Variants in BLZF1 observed in about 807,000 individuals in gnomAD.
BLZF1 encodes basic leucine zipper nuclear factor 1.
BLZF1 carries 39 observed loss-of-function variants against 43.8 expected under a neutral mutation model. The ratio of observed to expected loss-of-function variants is 0.89; its 90% CI spans 0.69 to 1.16. BLZF1 has a LOEUF of 1.16. BLZF1 is among the 50% of genes most tolerant of loss of function. The probability of loss-of-function intolerance (pLI) is 0.00; values close to 1 mark genes in which losing one functional copy is unlikely to be tolerated. For synonymous variants in BLZF1, 136 were observed against 159.4 expected (o/e 0.85, Z 1.11); for missense variants, 449 against 469.8 (o/e 0.96, Z 0.41).
At chr1:169,374,432 T>C (rs1482620353) in intron 2 of BLZF1, among the ~76,000 whole-genome samples, 1 of 152,130 alleles carries the variant, frequency 6.6e-6, no homozygotes, top group Admixed American at 6.6e-5. Context: ...TTTATTTCAC[T>C]TTCTGAAGTA....
At chr1:169,371,025 A>T (rs1470087092) in intron 2 of BLZF1, among the ~76,000 whole-genome samples, 1 of 152,220 alleles carries the variant, frequency 6.6e-6, no homozygotes, top group Non-Finnish European at 1.5e-5. Context: ...ATTTTTCAGC[A>T]AACTGACCTC....
At chr1:169,388,622 A>T (rs1324437842), downstream of BLZF1, among the ~76,000 whole-genome samples, 1 of 152,224 alleles carries the variant, frequency 6.6e-6, no homozygotes, top group African/African-American at 2.4e-5. Flanking sequence ...CATATATCTG[A>T]TAACTGTCTA....
At chr1:169,394,293 C>T (rs1654897463) in intron 7 of BLZF1, among the ~76,000 whole-genome samples, 1 of 152,092 alleles carries the variant, frequency 6.6e-6, no homozygotes, top group South Asian at 2.1e-4. Context: ...ACATACCTAC[C>T]TAAAATAGTA....
chr1:169,384,257 T>C (rs1298449436), intron 6 of BLZF1, among the ~76,000 whole-genome samples: 2 of 152,290 alleles, frequency 1.3e-5, no homozygotes, highest in African/African-American at 4.8e-5. Context: ...TTTTACTATT[T>C]CCTTCATTCC....
intron 4 of BLZF1, among the ~76,000 whole-genome samples, chr1:169,380,140 T>C (rs1654480573): frequency 6.6e-6 from 1 of 151,918 alleles, no homozygotes; most frequent in Non-Finnish European, 1.5e-5. Context: ...GTTTGTCTCT[T>C]TAAGTTTTTC....
chr1:169,384,100 T>C (rs1037143539), intron 6 of BLZF1, among the ~76,000 whole-genome samples: 2 of 152,076 alleles, frequency 1.3e-5, no homozygotes, highest in African/African-American at 4.8e-5. Flanking sequence ...CCCCCACCCC[T>C]AAAAATCTCC....
At chr1:169,380,997 A>G (rs774407414) in intron 5 of BLZF1, among the ~76,000 whole-genome samples, 10 of 152,066 alleles carry the variant, frequency 6.6e-5, no homozygotes, top group Non-Finnish European at 1.2e-4. Context: ...TCATGTCCAT[A>G]TACTCCAGAA....
chr1:169,385,842 T>A (rs1654650517), intron 6 of BLZF1, among the ~76,000 whole-genome samples: 1 of 152,092 alleles, frequency 6.6e-6, no homozygotes, highest in Non-Finnish European at 1.5e-5. Context: ...CAGGACCACA[T>A]GACCGCTAGG....
Position 169,387,894 on chromosome 1 carries a change from A to G in BLZF1, c.*712A>G, listed in dbSNP as rs1413891257. 1 of 152,216 alleles carries G rather than the reference A, an allele frequency of 6.6e-6. No individual in the cohort carries two copies. Among genetic ancestry groups the G allele is most frequent in the African/African-American group, 2.4e-5 (1 of 41,450 alleles). The allele number at this position is 152,216 out of a possible 1,614,324, so 9.4% of individuals were successfully genotyped here. ...TTATGCAGGGGATTCTGTATTCCAA[A>G]TGGATACAATCCGACATATATAAAA... On this transcript the variant is annotated 3_prime_UTR_variant, in exon 7 of 7. Coordinates refer to ENST00000367808, the MANE Select transcript of BLZF1 (RefSeq NM_001320973.2).
chr1:169,388,983 C>T (rs2102023036), downstream of BLZF1, among the ~76,000 whole-genome samples: 1 of 152,186 alleles, frequency 6.6e-6, no homozygotes, highest in East Asian at 1.9e-4. Flanking sequence ...ATTAGTTGGG[C>T]ATGGTGGCGG....
intron 6 of BLZF1, among the ~76,000 whole-genome samples, chr1:169,382,486 CAAA>C (rs879775106): frequency 5.9e-5 from 9 of 152,008 alleles, no homozygotes; most frequent in Non-Finnish European, 8.8e-5. Flanking sequence ...TTTTTAAGGA[CAAA>C]AAAAGTAATT....
chr1:169,375,742 T>C (rs1654297013), intron 2 of BLZF1, among the ~76,000 whole-genome samples: 1 of 151,556 alleles, frequency 6.6e-6, no homozygotes, highest in Admixed American at 6.6e-5. Flanking sequence ...CTGATCTGTG[T>C]GCTCGTCTTT....
intron 2 of BLZF1, among the ~76,000 whole-genome samples, chr1:169,370,187 CT>C (rs1368171547): frequency 6.6e-6 from 1 of 152,180 alleles, no homozygotes; most frequent in Non-Finnish European, 1.5e-5. Flanking sequence ...TAAATTTACC[CT>C]TTTTATAAAG....
At chr1:169,375,132 T>C (rs993090718) in intron 2 of BLZF1, among the ~76,000 whole-genome samples, 1 of 151,670 alleles carries the variant, frequency 6.6e-6, no homozygotes, top group African/African-American at 2.4e-5. Flanking sequence ...AATAAAGCCT[T>C]ATTTATTATA....
chr1:169,390,438 TACTG>T (rs913518702), downstream of BLZF1, among the ~76,000 whole-genome samples: 9 of 152,080 alleles, frequency 5.9e-5, no homozygotes, highest in African/African-American at 2.2e-4. Context: ...TCTGTAGCCA[TACTG>T]ACTAAGAAAA....
Position 169,382,228 on chromosome 1 carries a change from A to G in BLZF1, c.964A>G (p.Ile322Val). ...GNVGINNQKK[I>V]PSTVEFCSTP... is the part of the protein sequence containing the mutation. ...TGTTGGCATTAACAATCAAAAAAAG[A>G]TTCCATCAACAGTTGAATTCTGCAG... Residue 322 changes from isoleucine to valine, a missense_variant, in exon 6 of 7, where the codon ATT becomes GTT. Transcript: ENST00000367808. The G allele has an allele frequency of 6.2e-7, 1 of 1,613,830 alleles. No homozygotes were observed. The highest frequency in any genetic ancestry group is 8.5e-7 in the Non-Finnish European group (1 of 1,179,768).
chr1:169,383,021 C>T (rs1033375208), intron 6 of BLZF1, among the ~76,000 whole-genome samples: 1 of 152,104 alleles, frequency 6.6e-6, no homozygotes, highest in Non-Finnish European at 1.5e-5. Context: ...TTTAGTTTCT[C>T]TTCCCACATA....
intron 3 of BLZF1, chr1:169,377,335 T>G: frequency 4.0e-6 from 1 of 247,028 alleles, no homozygotes; most frequent in Non-Finnish European, 7.7e-6. Flanking sequence ...TTCCAAGTAG[T>G]TTTGCTTGTG....
At position 169,376,746 on chromosome 1, in the gene BLZF1, G is replaced by A. The variant is rs142785938; in HGVS notation, c.235G>A (p.Val79Ile). Residue 79 changes from valine (V) to isoleucine (I), a missense_variant, in exon 3 of 7, where the codon GTA (valine) becomes ATA (isoleucine). Coordinates refer to ENST00000367808, the MANE Select transcript of BLZF1 (RefSeq NM_001320973.2). ...LTEKAMEVKA[V>I]RILVPKAAIT... ...TGAAAAAGCAATGGAAGTTAAAGCTGTAAGAATATTAGTTCCCAAAGCTGC... is the reference window on the plus strand; with the variant it reads ...TGAAAAAGCAATGGAAGTTAAAGCTATAAGAATATTAGTTCCCAAAGCTGC... 3.7e-6 allele frequency: 6 copies of A among 1,613,182 alleles called. No individual in the cohort carries two copies. The African/African-American group carries it at 8.0e-5, about 22-fold the overall frequency.
Sources: gnomAD v4.1 joint callset for allele counts (sites outside exome capture counted in the v4.1 genomes callset) on GRCh38, gnomAD v4.1.1 for gene constraint, MANE v1.5 for transcripts, NCBI Gene and HGNC (gene_info 2026-07-23, HGNC 2026-07-21) for gene names.